The following ATP13A4 variants were observed in gnomAD, a reference collection of about 807,000 sequenced individuals.
The protein encoded by ATP13A4 is ATPase 13A4, also known as probable cation-transporting ATPase 13A4.
Under a neutral mutation model 142.5 loss-of-function variants are expected in ATP13A4, and 114 were observed. The observed-to-expected ratio is 0.80, with a 90% CI of 0.69 to 0.93. The LOEUF (loss-of-function observed/expected upper bound fraction) is 0.93, where lower values mean the gene tolerates loss of function less well. Among genes scored for constraint, ATP13A4 ranks in the 40% least tolerant of loss-of-function variants. The probability of loss-of-function intolerance (pLI) is 0.00; values close to 1 mark genes in which losing one functional copy is unlikely to be tolerated. For synonymous variants in ATP13A4, 488 were observed against 514.8 expected (o/e 0.95, Z 0.70); for missense variants, 1,392 against 1,454.0 (o/e 0.96, Z 0.69).
intron 24 of ATP13A4, among the ~76,000 whole-genome samples, chr3:193,434,967 A>G (rs1716179819): frequency 1.3e-5 from 2 of 152,242 alleles, no homozygotes; most frequent in South Asian, 4.1e-4. Flanking sequence ...AACAAAGCCA[A>G]TACAAAAACT....
chr3:193,568,292 A>G (rs1724184694), intron 2 of ATP13A4, among the ~76,000 whole-genome samples: 1 of 152,158 alleles, frequency 6.6e-6, no homozygotes, highest in Non-Finnish European at 1.5e-5. Context: ...ACTACCAAAG[A>G]ACTTTGGCAA....
At chr3:193,568,063 G>A (rs914027669) in intron 2 of ATP13A4, among the ~76,000 whole-genome samples, 9 of 151,898 alleles carry the variant, frequency 5.9e-5, no homozygotes, top group Admixed American at 2.0e-4. Flanking sequence ...GGGTTCAAGC[G>A]ATTCTCCTGC....
chr3:193,455,951 T>C, intron 16 of ATP13A4, among the ~76,000 whole-genome samples: 1 of 151,926 alleles, frequency 6.6e-6, no homozygotes, highest in Admixed American at 6.6e-5. Flanking sequence ...AAACCAAACT[T>C]ATATGTGGGA....
intron 7 of ATP13A4, among the ~76,000 whole-genome samples, chr3:193,484,472 G>T (rs1379773776): frequency 2.0e-5 from 3 of 152,070 alleles, no homozygotes; most frequent in African/African-American, 7.2e-5. Flanking sequence ...AATTATATTT[G>T]ATTCCACATT....
chr3:193,546,350 C>T (rs1723221637), intron 1 of ATP13A4, among the ~76,000 whole-genome samples: 1 of 152,160 alleles, frequency 6.6e-6, no homozygotes, highest in Non-Finnish European at 1.5e-5. Context: ...TACTTACATT[C>T]CTTTCCTGCT....
At chr3:193,446,069 AG>A (rs1716935540) in intron 18 of ATP13A4, among the ~76,000 whole-genome samples, 2 of 152,306 alleles carry the variant, frequency 1.3e-5, no homozygotes, top group South Asian at 4.1e-4. Context: ...AGGCTTAGGC[AG>A]GAGGATCGCT....
chr3:193,475,864 TG>T (rs1230862467), intron 8 of ATP13A4, among the ~76,000 whole-genome samples: 2 of 152,038 alleles, frequency 1.3e-5, no homozygotes, highest in Non-Finnish European at 2.9e-5. Context: ...CATCTTAAAT[TG>T]TTTTTAGGAA....
At chr3:193,561,952 C>A (rs13322636) in intron 2 of ATP13A4, among the ~76,000 whole-genome samples, 9,842 of 152,250 alleles carry the variant, frequency 0.065, 403 homozygotes, top group Admixed American at 0.091. Context: ...TCTCCCTCCG[C>A]GGGAAATGGA....
rs145230016 is a variant in ATP13A4 at position 193,422,199 on chromosome 3, T to C, written c.2843-7449A>G. On this transcript the variant is annotated intron_variant, in intron 25 of 29. Coordinates refer to ENST00000342695, the MANE Select transcript of ATP13A4 (RefSeq NM_032279.4). ...AGTCAAAAACTGTCACAAGAGACAA[T>C]GCATCCAACATTGAAGCACGTAAAT... is the stretch of plus-strand genomic sequence containing the variant. Among the ~76,000 whole-genome samples the C allele has an allele frequency of 1.2e-3, 173 of 149,906 alleles. 9 individuals carry two copies. The highest frequency in any genetic ancestry group is 3.9e-3 in the African/African-American group (161 of 40,998).
In ATP13A4 at chr3:193,514,869, C is replaced by T. The variant is rs147492607; in HGVS notation, c.63G>A (p.Glu21=). The part of the protein sequence containing the change: ...LLNEGEENEM[E]IFGYRTQGCR... ...AGCCTTGAGTCCGATAGCCAAATAT[C>T]TCCTGGGACAGAATCAAAATGATAC... Residue 21 remains glutamate, a splice_region_variant and synonymous_variant, in exon 2 of 30, where the codon GAG becomes GAA. Coordinates refer to ENST00000342695, the MANE Select transcript of ATP13A4 (RefSeq NM_032279.4). 5.0e-5 allele frequency: 81 copies of T among 1,613,980 alleles called. No homozygotes were observed. In the African/African-American group the frequency reaches 1.0e-3, roughly 20 times the overall value.
intron 9 of ATP13A4, among the ~76,000 whole-genome samples, chr3:193,469,884 A>C (rs1718518665): frequency 6.6e-6 from 1 of 152,228 alleles, no homozygotes; most frequent in Non-Finnish European, 1.5e-5. Flanking sequence ...GGAAAATGGT[A>C]CTTGGCACTG....
rs1012461159 is a variant in ATP13A4, at chr3:193,473,888, T to C, written c.809-2895A>G. Among the ~76,000 whole-genome samples the C allele has an allele frequency of 4.6e-5, 7 of 152,204 alleles. No homozygotes were observed. In the South Asian group the frequency reaches 1.4e-3, roughly 32 times the overall value. ...AACAAGAGCATTGTGTAATTCTGTA[T>C]CTCTTTTCTATTAGAACATTATTGA... On this transcript the variant is annotated intron_variant, in intron 8 of 29. Transcript: ENST00000342695.
At chr3:193,466,302 G>T in intron 10 of ATP13A4, 120 bp from the exon 11 acceptor site, 1 of 1,254,958 alleles carries the variant, frequency 8.0e-7, no homozygotes, top group Non-Finnish European at 1.2e-6. Context: ...TAAGCTCAAA[G>T]GCAATTGAAA....
intron 13 of ATP13A4, among the ~76,000 whole-genome samples, chr3:193,460,645 C>T (rs1336078239): frequency 1.3e-5 from 2 of 152,132 alleles, no homozygotes; most frequent in African/African-American, 2.4e-5. Context: ...GAAACTTAAA[C>T]GCACACTGAA....
rs558629758 is a variant in ATP13A4 at position 193,435,567 on chromosome 3, T to C, written c.2769+81A>G. The C allele has an allele frequency of 3.6e-6, 4 of 1,110,362 alleles. No individual in the cohort carries two copies. In the South Asian group the frequency reaches 5.0e-5, roughly 14 times the overall value. The allele number at this position is 1,110,362 out of a possible 1,614,324, so 68.8% of individuals were successfully genotyped here. On this transcript the variant is annotated intron_variant, in intron 24 of 29. Coordinates refer to ENST00000342695, the MANE Select transcript of ATP13A4 (RefSeq NM_032279.4). ...TCAGATATCCTATTTGTACTCTTTC[T>C]TTGAGAGGCATTGTAAATTGAGAGT...
In ATP13A4 at chr3:193,489,764, A is replaced by G. The variant is rs1375265763; in HGVS notation, c.704T>C (p.Ile235Thr). The G allele has an allele frequency of 1.9e-6, 3 of 1,610,808 alleles. No individual in the cohort carries two copies. The highest frequency in any genetic ancestry group is 2.5e-6 in the Non-Finnish European group (3 of 1,177,160). The change falls in exon 7 of 30, where the codon ATT becomes ACT. Residue 235 changes from isoleucine to threonine, a missense_variant. Coordinates refer to ENST00000342695, the MANE Select transcript of ATP13A4 (RefSeq NM_032279.4). ...ATCATATACTGTCAAAGATATGGAA[A>G]TTATGGACATGATTATGATGGCAAA... Reference protein sequence around the residue: ...YAFAIIIMSIISISLTVYDLR... With the variant: ...YAFAIIIMSITSISLTVYDLR...
chr3:193,577,530 A>G (rs1199692590), intron 2 of ATP13A4, among the ~76,000 whole-genome samples: 4 of 152,242 alleles, frequency 2.6e-5, no homozygotes, highest in African/African-American at 9.6e-5. Flanking sequence ...CTCTGAACTT[A>G]TATAAGTACA....
At chr3:193,445,655 G>A in intron 18 of ATP13A4, among the ~76,000 whole-genome samples, 1 of 151,978 alleles carries the variant, frequency 6.6e-6, no homozygotes, top group Non-Finnish European at 1.5e-5. Flanking sequence ...TACTCGGGAG[G>A]CTGAAGCAGG....
rs559449478 is a variant in ATP13A4, at chr3:193,573,876, G to T, written n.291+7831C>A. ...GTCTCTTCCAGAAACTTCAAAAATCGATTTAGAAAAGTTAAGTGCTAATAA... is the reference window on the plus strand; with the variant it reads ...GTCTCTTCCAGAAACTTCAAAAATCTATTTAGAAAAGTTAAGTGCTAATAA... On this transcript the variant is annotated intron_variant and non_coding_transcript_variant, in intron 2 of 3. Coordinates refer to the ATP13A4 transcript ENST00000489140. 1.4e-3 allele frequency among the ~76,000 whole-genome samples: 207 copies of T among 152,156 alleles called. 1 individual carries two copies. The highest frequency in any genetic ancestry group is 4.9e-3 in the African/African-American group (203 of 41,494).
Sources: allele counts gnomAD v4.1 joint callset (sites outside exome capture counted in the v4.1 genomes callset), GRCh38; gene constraint gnomAD v4.1.1; transcripts MANE v1.5; gene names NCBI Gene and HGNC (gene_info 2026-07-23, HGNC 2026-07-21).